Variants in ROBO2 observed in about 807,000 individuals in gnomAD.
ROBO2 encodes roundabout guidance receptor 2.
A neutral mutation model predicts 160.8 loss-of-function variants in ROBO2; 53 were observed. The ratio of observed to expected loss-of-function variants is 0.33; its 90% CI spans 0.26 to 0.41. ROBO2 has a LOEUF of 0.41. ROBO2 is among the 10% of genes least tolerant of loss of function. ROBO2 has a pLI of 1.00. For synonymous variants in ROBO2, 664 were observed against 611.7 expected, an observed-to-expected ratio of 1.09 and a Z score of -1.26; for missense variants, 1,577 against 1,722.4, an observed-to-expected ratio of 0.92 and a Z score of 1.49.
At chr3:76,488,163 G>A (rs1655112819) in intron 2 of ROBO2, among the ~76,000 whole-genome samples, 1 of 152,146 alleles carries the variant, frequency 6.6e-6, no homozygotes, top group African/African-American at 2.4e-5. Flanking sequence ...ACCCGAATTA[G>A]CAGCTGAAAA....
At chr3:77,442,888 C>A (rs115235632) in intron 2 of ROBO2, among the ~76,000 whole-genome samples, 2,262 of 152,254 alleles carry the variant, frequency 0.015, 36 homozygotes, top group Middle Eastern at 0.058. Flanking sequence ...ATAATAAACA[C>A]CTGAATTTTA....
At chr3:76,836,930 C>A (rs934849521) in intron 2 of ROBO2, among the ~76,000 whole-genome samples, 1 of 151,732 alleles carries the variant, frequency 6.6e-6, no homozygotes. Context: ...TCTTATATAT[C>A]CTTATAGATT....
intron 2 of ROBO2, among the ~76,000 whole-genome samples, chr3:76,807,383 A>C (rs1312798716): frequency 6.6e-6 from 1 of 151,998 alleles, no homozygotes; most frequent in Non-Finnish European, 1.5e-5. Flanking sequence ...CTCTTTATAA[A>C]TGCTTATTTT....
intron 2 of ROBO2, among the ~76,000 whole-genome samples, chr3:76,274,453 G>T (rs542479363): frequency 1.2e-4 from 19 of 152,132 alleles, no homozygotes; most frequent in African/African-American, 4.6e-4. Context: ...ATGCTGTGTA[G>T]TTTATAAACT....
At chr3:77,339,733 T>TA (rs1419106532) in intron 2 of ROBO2, among the ~76,000 whole-genome samples, 2 of 151,946 alleles carry the variant, frequency 1.3e-5, no homozygotes, top group Admixed American at 1.3e-4. Flanking sequence ...TCTCATGAAT[T>TA]AGTGGCTTTA....
chr3:77,404,335 C>T (rs2076084839), intron 2 of ROBO2, among the ~76,000 whole-genome samples: 1 of 152,060 alleles, frequency 6.6e-6, no homozygotes, highest in Non-Finnish European at 1.5e-5. Context: ...TTCATGATTA[C>T]ATTTTTTCTT....
chr3:76,003,663 A>G (rs2065947466), intron 2 of ROBO2, among the ~76,000 whole-genome samples: 1 of 152,198 alleles, frequency 6.6e-6, no homozygotes, highest in Non-Finnish European at 1.5e-5. Context: ...GTATTCCCAG[A>G]TGGGGCAGCC....
At chr3:77,487,997 A>G (rs1269478604) in intron 4 of ROBO2, among the ~76,000 whole-genome samples, 2 of 152,196 alleles carry the variant, frequency 1.3e-5, no homozygotes, top group Non-Finnish European at 2.9e-5. Context: ...CTTAAGAGAT[A>G]CTATGCAACC....
chr3:75,909,254 C>T (rs1246876763), intron 1 of ROBO2, among the ~76,000 whole-genome samples: 6 of 152,108 alleles, frequency 3.9e-5, no homozygotes, highest in Non-Finnish European at 8.8e-5. Flanking sequence ...GTTGATCCTA[C>T]ATAATCTCTT....
chr3:76,113,323 C>T (rs1559561529), intron 2 of ROBO2, among the ~76,000 whole-genome samples: 1 of 152,076 alleles, frequency 6.6e-6, no homozygotes, highest in East Asian at 1.9e-4. Flanking sequence ...AGTTCAATTA[C>T]TATAAAAATC....
intron 2 of ROBO2, among the ~76,000 whole-genome samples, chr3:76,956,818 C>T (rs2079307398): frequency 6.6e-6 from 1 of 152,020 alleles, no homozygotes; most frequent in Non-Finnish European, 1.5e-5. Flanking sequence ...TCAAAATCCC[C>T]AGAGGAACAC....
chr3:76,377,564 C>T (rs1195213044), intron 2 of ROBO2, among the ~76,000 whole-genome samples: 1 of 152,130 alleles, frequency 6.6e-6, no homozygotes, highest in Non-Finnish European at 1.5e-5. Context: ...TTTATCCCTG[C>T]TAATCTCCTT....
intron 2 of ROBO2, among the ~76,000 whole-genome samples, chr3:77,025,633 G>A (rs1484552219): frequency 6.6e-6 from 1 of 152,134 alleles, no homozygotes; most frequent in African/African-American, 2.4e-5. Context: ...AATCTTTACA[G>A]CTCTCTTAGG....
intron 2 of ROBO2, among the ~76,000 whole-genome samples, chr3:77,173,552 G>A (rs2079842670): frequency 6.6e-6 from 1 of 151,936 alleles, no homozygotes; most frequent in Admixed American, 6.6e-5. Flanking sequence ...TAATAATCAT[G>A]TGGTCCTGGG....
chr3:75,984,251 G>C (rs1388254606), intron 2 of ROBO2, among the ~76,000 whole-genome samples: 1 of 151,542 alleles, frequency 6.6e-6, no homozygotes, highest in Admixed American at 6.6e-5. Context: ...GGAGTTATTA[G>C]ACTAATTACT....
At chr3:76,230,971 A>G (rs1273055991) in intron 2 of ROBO2, among the ~76,000 whole-genome samples, 1 of 152,146 alleles carries the variant, frequency 6.6e-6, no homozygotes, top group African/African-American at 2.4e-5. Context: ...GAGAACACCA[A>G]AGATTACCAA....
In ROBO2 at chr3:76,728,569, AAC is replaced by A. The variant is rs1051346461; in HGVS notation, c.110-369443_110-369442del. ...TTATTCAGTCCTGTCAGTTCTATAA[AAC>A]AGTTTTCACTGAGAACCATGATGCT... is the stretch of plus-strand genomic sequence containing the variant. On this transcript the variant is annotated intron_variant, in intron 2 of 26. Transcript: ENST00000487694. 4.3e-4 allele frequency among the ~76,000 whole-genome samples: 66 copies of A among 152,284 alleles called. 1 individual carries two copies. Among genetic ancestry groups the A allele is most frequent in the African/African-American group, 1.5e-3 (64 of 41,552 alleles).
At chr3:77,373,172 A>C (rs940477034) in intron 2 of ROBO2, among the ~76,000 whole-genome samples, 1 of 147,456 alleles carries the variant, frequency 6.8e-6, no homozygotes, top group African/African-American at 2.4e-5. Flanking sequence ...TTAAAATTAT[A>C]TAAAATATTA....
chr3:76,900,164 T>C (rs1327750333), intron 2 of ROBO2, among the ~76,000 whole-genome samples: 3 of 152,046 alleles, frequency 2.0e-5, no homozygotes, highest in Non-Finnish European at 4.4e-5. Context: ...TCATTCACTA[T>C]CACAAGAACG....
Sources: allele counts gnomAD v4.1 joint callset (sites outside exome capture counted in the v4.1 genomes callset), GRCh38; gene constraint gnomAD v4.1.1; transcripts MANE v1.5; gene names NCBI Gene and HGNC (gene_info 2026-07-23, HGNC 2026-07-21).